TRAPPC9: variants seen among roughly 807,000 people sequenced by gnomAD.
The protein encoded by TRAPPC9 is IKK2 binding protein.
Under a neutral mutation model 124.0 loss-of-function variants are expected in TRAPPC9, and 83 were observed. That is an observed-to-expected ratio of 0.67 (90% CI 0.56 to 0.80). The LOEUF (loss-of-function observed/expected upper bound fraction) is 0.80, where lower values mean the gene tolerates loss of function less well. Among genes scored for constraint, TRAPPC9 ranks in the 30% least tolerant of loss-of-function variants. The pLI, the probability that TRAPPC9 is intolerant of heterozygous loss-of-function variation, is 0.00. For missense variants in TRAPPC9, 1,302 were observed against 1,508.3 expected, an observed-to-expected ratio of 0.86 and a Z score of 2.27; for synonymous variants, 638 against 617.5, an observed-to-expected ratio of 1.03 and a Z score of -0.49.
chr8:139,747,452 C>G (rs1488304865), intron 21 of TRAPPC9, among the ~76,000 whole-genome samples: 2 of 134,650 alleles, frequency 1.5e-5, no homozygotes, highest in South Asian at 2.7e-4. Context: ...GGGGTCAGAG[C>G]AGGTGTGGGG....
chr8:139,860,095 G>A (rs62528721), intron 21 of TRAPPC9, among the ~76,000 whole-genome samples: 15,891 of 152,282 alleles, frequency 0.1, 884 homozygotes, highest in East Asian at 0.24. Flanking sequence ...TCCAGTATCA[G>A]CACAGTGTCA....
At chr8:139,883,584 C>T (rs1045715377) in intron 21 of TRAPPC9, among the ~76,000 whole-genome samples, 7 of 152,264 alleles carry the variant, frequency 4.6e-5, no homozygotes, top group African/African-American at 1.4e-4. Flanking sequence ...GTCCACTGTT[C>T]TCTCTAATTT....
At chr8:140,218,079 G>C (rs2063243360) in intron 17 of TRAPPC9, among the ~76,000 whole-genome samples, 1 of 151,468 alleles carries the variant, frequency 6.6e-6, no homozygotes, top group Non-Finnish European at 1.5e-5. Flanking sequence ...ATAAAAGCGT[G>C]CCAATAATCT....
At chr8:140,179,818 C>T (rs1033006256) in intron 17 of TRAPPC9, among the ~76,000 whole-genome samples, 2 of 152,028 alleles carry the variant, frequency 1.3e-5, no homozygotes, top group East Asian at 1.9e-4. Flanking sequence ...CATTACAAAA[C>T]GTCCCTCTTT....
chr8:140,311,240 C>A lies in TRAPPC9; in HGVS notation c.1622+8G>T. On this transcript the variant is annotated splice_region_variant and intron_variant, in intron 10 of 22. Coordinates refer to ENST00000438773, the MANE Select transcript of TRAPPC9 (RefSeq NM_001160372.4). ...GCTGCCTTTCCGGCTCTGCAGTGCC[C>A]ATCTCACCTGACGATGGGAAGCTTG... The A allele has an allele frequency of 6.2e-7, 1 of 1,609,764 alleles. No homozygotes were observed. The highest frequency in any genetic ancestry group is 1.1e-5 in the South Asian group (1 of 91,064).
intron 21 of TRAPPC9, among the ~76,000 whole-genome samples, chr8:139,884,383 C>A (rs1009045793): frequency 6.6e-6 from 1 of 152,182 alleles, no homozygotes; most frequent in Non-Finnish European, 1.5e-5. Flanking sequence ...GGGCTGCCGA[C>A]CCTCAGACAG....
At chr8:140,153,362 G>T (rs1044145206) in intron 17 of TRAPPC9, among the ~76,000 whole-genome samples, 1 of 151,920 alleles carries the variant, frequency 6.6e-6, no homozygotes, top group Non-Finnish European at 1.5e-5. Context: ...GAATGCAATT[G>T]CTATGACCAT....
chr8:139,916,919 T>C (rs750022798), intron 19 of TRAPPC9, among the ~76,000 whole-genome samples: 9 of 152,246 alleles, frequency 5.9e-5, no homozygotes, highest in Admixed American at 3.3e-4. Context: ...ATGTGGTACA[T>C]CATATGTGAA....
intron 17 of TRAPPC9, among the ~76,000 whole-genome samples, chr8:140,199,891 G>A (rs953542522): frequency 1.3e-5 from 2 of 151,988 alleles, no homozygotes; most frequent in Admixed American, 6.6e-5. Flanking sequence ...GAAAACCATA[G>A]GGCTAAAGAT....
chr8:140,047,543 C>G (rs1027993517), intron 17 of TRAPPC9, among the ~76,000 whole-genome samples: 2 of 152,176 alleles, frequency 1.3e-5, no homozygotes, highest in African/African-American at 4.8e-5. Flanking sequence ...GAAAACACAT[C>G]GCGCATGAAG....
At chr8:140,196,552 CATACA>C (rs1563837109) in intron 17 of TRAPPC9, among the ~76,000 whole-genome samples, 2 of 104,030 alleles carry the variant, frequency 1.9e-5, no homozygotes, top group Admixed American at 1.0e-4. Flanking sequence ...AACGATCCAC[CATACA>C]GATCACACCT....
intron 17 of TRAPPC9, among the ~76,000 whole-genome samples, chr8:140,102,952 G>T (rs369632611): frequency 3.9e-4 from 60 of 152,268 alleles, no homozygotes; most frequent in Non-Finnish European, 5.7e-4. Flanking sequence ...TGTCTGAAGC[G>T]CCAGGATCAT....
chr8:140,073,924 T>C (rs1010721626), intron 17 of TRAPPC9, among the ~76,000 whole-genome samples: 6 of 152,222 alleles, frequency 3.9e-5, no homozygotes, highest in Non-Finnish European at 1.5e-5. Flanking sequence ...ACGTCTGCCT[T>C]GCATGTTCAC....
intron 17 of TRAPPC9, among the ~76,000 whole-genome samples, chr8:140,082,585 G>C (rs1362095672): frequency 6.6e-6 from 1 of 152,192 alleles, no homozygotes; most frequent in African/African-American, 2.4e-5. Context: ...GAATATAAAT[G>C]ACTGAATTTG....
intron 16 of TRAPPC9, among the ~76,000 whole-genome samples, chr8:140,245,331 T>C (rs994775927): frequency 6.6e-6 from 1 of 152,208 alleles, no homozygotes; most frequent in Non-Finnish European, 1.5e-5. Flanking sequence ...TGCTAGTCAC[T>C]GCCTTGCTTC....
At chr8:139,840,439 T>C (rs1005500880) in intron 21 of TRAPPC9, among the ~76,000 whole-genome samples, 1 of 152,232 alleles carries the variant, frequency 6.6e-6, no homozygotes, top group Non-Finnish European at 1.5e-5. Flanking sequence ...TAAATCTTCA[T>C]GGCAAAGGCA....
chr8:140,441,562 T>C (rs1462684086), intron 2 of TRAPPC9, among the ~76,000 whole-genome samples: 1 of 152,182 alleles, frequency 6.6e-6, no homozygotes, highest in Non-Finnish European at 1.5e-5. Flanking sequence ...GGCTCATACC[T>C]GTAATACCAC....
At position 140,365,529 on chromosome 8, in the gene TRAPPC9, C is replaced by T. The variant is rs1447073142; in HGVS notation, c.1352-5336G>A. 3.3e-5 allele frequency among the ~76,000 whole-genome samples: 5 copies of T among 152,246 alleles called. No individual in the cohort carries two copies. In the East Asian group the frequency reaches 9.6e-4, roughly 29 times the overall value. Reference sequence around the variant, plus strand: ...CCTGCAGGCACCAGGCTTAGCAAGGCATGCCCAGAAGGTCCCTACAGGAGA... The same window carrying T: ...CCTGCAGGCACCAGGCTTAGCAAGGTATGCCCAGAAGGTCCCTACAGGAGA... On this transcript the variant is annotated intron_variant, in intron 8 of 22. Coordinates refer to ENST00000438773, the MANE Select transcript of TRAPPC9 (RefSeq NM_001160372.4).
At chr8:139,752,947 ACCAT>A (rs1452670729) in intron 21 of TRAPPC9, among the ~76,000 whole-genome samples, 35 of 146,712 alleles carry the variant, frequency 2.4e-4, no homozygotes, top group African/African-American at 8.0e-4. Flanking sequence ...CCACCCATCT[ACCAT>A]CCATCCATCA....
Sources: gnomAD v4.1 joint callset for allele counts (sites outside exome capture counted in the v4.1 genomes callset) on GRCh38, gnomAD v4.1.1 for gene constraint, MANE v1.5 for transcripts, NCBI Gene and HGNC (gene_info 2026-07-23, HGNC 2026-07-21) for gene names.